RERE: variants seen among roughly 807,000 people sequenced by gnomAD.
RERE encodes arginine-glutamic acid dipeptide repeats protein.
RERE carries 40 observed loss-of-function variants against 146.1 expected under a neutral mutation model. That is an observed-to-expected ratio of 0.27 (90% CI 0.21 to 0.36). The LOEUF is 0.36. RERE is among the 10% of genes least tolerant of loss of function. The pLI is 1.00. For missense variants in RERE, 1,933 were observed against 2,138.7 expected (o/e 0.90, Z 1.90); for synonymous variants, 1,003 against 866.0 (o/e 1.16, Z -2.78).
chr1:8,470,681 G>A (rs915623975), intron 10 of RERE, among the ~76,000 whole-genome samples: 4 of 151,930 alleles, frequency 2.6e-5, no homozygotes, highest in Non-Finnish European at 5.9e-5. Context: ...GAAACCTAAG[G>A]GACTCTTTCC....
intron 4 of RERE, among the ~76,000 whole-genome samples, chr1:8,577,692 G>C (rs928478800): frequency 2.6e-5 from 4 of 152,082 alleles, no homozygotes; most frequent in African/African-American, 9.7e-5. Context: ...CTGAATATAA[G>C]ATATTCCACT....
At chr1:8,400,142 C>T in intron 12 of RERE, among the ~76,000 whole-genome samples, 1 of 152,004 alleles carries the variant, frequency 6.6e-6, no homozygotes, top group African/African-American at 2.4e-5. Context: ...ATTTGCTCCA[C>T]TAATTAAGTG....
intron 2 of RERE, among the ~76,000 whole-genome samples, chr1:8,629,073 G>T (rs1342622786): frequency 6.6e-6 from 1 of 152,176 alleles, no homozygotes; most frequent in African/African-American, 2.4e-5. Flanking sequence ...AAACGGTTTT[G>T]GCAGGGCAAG....
Position 8,450,854 on chromosome 1 carries a change from C to T in RERE, c.1203+15071G>A, listed in dbSNP as rs115999883. On this transcript the variant is annotated intron_variant, in intron 11 of 22. Coordinates refer to ENST00000400908, the MANE Select transcript of RERE (RefSeq NM_001042681.2). ...AAGTCTCTTCCTCCATCCTACCTTT[C>T]GACAGCACTCTCAGGAACGTGGAAA... Among the ~76,000 whole-genome samples, 630 of 152,270 alleles carry T rather than the reference C, an allele frequency of 4.1e-3. 4 individuals are homozygous for T. Among genetic ancestry groups the T allele is most frequent in the African/African-American group, 0.015 (607 of 41,538 alleles).
At chr1:8,744,907 A>G (rs1569694319) in intron 1 of RERE, among the ~76,000 whole-genome samples, 1 of 152,170 alleles carries the variant, frequency 6.6e-6, no homozygotes, top group Non-Finnish European at 1.5e-5. Flanking sequence ...CAAAAATCAC[A>G]TATTAGGACA....
chr1:8,736,996 T>G (rs548420778), intron 1 of RERE, among the ~76,000 whole-genome samples: 77 of 152,314 alleles, frequency 5.1e-4, no homozygotes, highest in African/African-American at 1.7e-3. Flanking sequence ...AAACAAATGA[T>G]TATCTTTCTT....
At chr1:8,780,516 G>A (rs1303766583) in intron 1 of RERE, among the ~76,000 whole-genome samples, 3 of 152,114 alleles carry the variant, frequency 2.0e-5, no homozygotes, top group Non-Finnish European at 1.5e-5. Context: ...AAGTAATTTA[G>A]GTCATCTGAG....
chr1:8,482,681 C>CAAAAAAAA (rs35501735), intron 10 of RERE, among the ~76,000 whole-genome samples: 3 of 51,214 alleles, frequency 5.9e-5, no homozygotes, highest in Non-Finnish European at 1.3e-4. Flanking sequence ...GATTCTGTTG[C>CAAAAAAAA]AAAAAAAAAA....
chr1:8,695,259 C>T (rs573281081), intron 1 of RERE, among the ~76,000 whole-genome samples: 1 of 152,062 alleles, frequency 6.6e-6, no homozygotes, highest in African/African-American at 2.4e-5. Context: ...ATATAAACAT[C>T]AACTCAAGGT....
intron 10 of RERE, among the ~76,000 whole-genome samples, chr1:8,491,028 G>GA (rs1186798911): frequency 1.3e-5 from 2 of 150,340 alleles, no homozygotes; most frequent in African/African-American, 2.5e-5. Flanking sequence ...TAATAATGAA[G>GA]AAAAAACAGA....
intron 1 of RERE, among the ~76,000 whole-genome samples, chr1:8,711,614 C>T (rs1028566425): frequency 1.3e-4 from 20 of 152,230 alleles, no homozygotes; most frequent in African/African-American, 4.8e-4. Context: ...GATTTAAAAA[C>T]AAACAGTTTT....
chr1:8,758,908 G>GTA (rs1160948043), intron 1 of RERE, among the ~76,000 whole-genome samples: 1 of 151,478 alleles, frequency 6.6e-6, no homozygotes, highest in Non-Finnish European at 1.5e-5. Flanking sequence ...ATTCCACAAT[G>GTA]TATATATATT....
rs58933208 is a variant in RERE at position 8,617,343 on chromosome 1, C to CAAAAAAAAAAAAAAAAAAAAA, written c.397-2658_397-2657insTTTTTTTTTTTTTTTTTTTTT. Among the ~76,000 whole-genome samples the CAAAAAAAAAAAAAAAAAAAAA allele has an allele frequency of 6.2e-5, 5 of 80,426 alleles. 1 individual carries two copies. Among genetic ancestry groups the CAAAAAAAAAAAAAAAAAAAAA allele is most frequent in the African/African-American group, 1.0e-4 (2 of 19,182 alleles). 52.8% of individuals were successfully genotyped at this position (80,426 alleles called of 152,430 possible). On this transcript the variant is annotated intron_variant, in intron 3 of 22. Transcript: ENST00000400908. ...GGGTGACAAGAGTGAAACTCTGTCT[C>CAAAAAAAAAAAAAAAAAAAAA]AAAAAAAAAAAAAAGAATTCCATCC...
At chr1:8,523,411 T>C (rs1223666192) in intron 7 of RERE, among the ~76,000 whole-genome samples, 1 of 152,224 alleles carries the variant, frequency 6.6e-6, no homozygotes, top group Non-Finnish European at 1.5e-5. Context: ...ATCTACTTGC[T>C]ACATTCCCAA....
intron 1 of RERE, among the ~76,000 whole-genome samples, chr1:8,709,924 T>TA: frequency 6.6e-6 from 1 of 152,340 alleles, no homozygotes. Flanking sequence ...CCTGTTCCCA[T>TA]ACTCTTATTC....
At chr1:8,753,749 T>C (rs976973744) in intron 1 of RERE, 4 of 152,180 alleles carry the variant, frequency 2.6e-5, no homozygotes, top group Non-Finnish European at 2.9e-5. Flanking sequence ...ACTTATACCA[T>C]GAAAAAGCAT....
At chr1:8,390,665 A>G (rs1423250059) in intron 12 of RERE, among the ~76,000 whole-genome samples, 1 of 151,884 alleles carries the variant, frequency 6.6e-6, no homozygotes, top group Non-Finnish European at 1.5e-5. Context: ...ACTATTTTTA[A>G]AAAATCATAT....
rs201364527 is a variant in RERE, at chr1:8,686,920, AG to A, written c.-144-30480del. Among the ~76,000 whole-genome samples the A allele has an allele frequency of 5.0e-3, 769 of 152,288 alleles. 5 individuals are homozygous for A. Among genetic ancestry groups the A allele is most frequent in the African/African-American group, 0.017 (710 of 41,530 alleles). On this transcript the variant is annotated intron_variant, in intron 1 of 22. Transcript: ENST00000400908. The stretch of plus-strand genomic sequence containing the variant: ...TTTGGAGAAACATATCCCAGGCAGA[AG>A]GAACAGTCAGTGCAGAGGCCTTAGT...
In RERE at chr1:8,480,160, GAC is replaced by G. The variant is rs1644815155; in HGVS notation, c.1105-14139_1105-14138del. ...TTTTTTTTGTTTTTTTTTTTTTTGA[GAC>G]ACAGTCTCGCTCTGTTGCCCAGGCT... is the stretch of plus-strand genomic sequence containing the variant. On this transcript the variant is annotated intron_variant, in intron 10 of 22. Coordinates refer to ENST00000400908, the MANE Select transcript of RERE (RefSeq NM_001042681.2). 2.7e-5 allele frequency among the ~76,000 whole-genome samples: 3 copies of G among 112,922 alleles called. No homozygotes were observed. The South Asian group carries it at 8.7e-4, about 33-fold the overall frequency. The allele number at this position is 112,922 out of a possible 152,430, so 74.1% of individuals were successfully genotyped here. A position where few individuals can be genotyped will look rare whatever the true frequency, so the allele number is the denominator to read the frequency against.
Sources: gnomAD v4.1 joint callset for allele counts (sites outside exome capture counted in the v4.1 genomes callset) on GRCh38, gnomAD v4.1.1 for gene constraint, MANE v1.5 for transcripts, NCBI Gene and HGNC (gene_info 2026-07-23, HGNC 2026-07-21) for gene names.